Variants in DNAH14 observed in about 807,000 individuals in gnomAD.
DNAH14 encodes the protein axonemal beta dynein heavy chain 14.
In DNAH14, 478 loss-of-function variants were observed where a neutral mutation model predicts 520.9. The observed-to-expected ratio is 0.92, with a 90% CI of 0.85 to 0.99. The LOEUF (loss-of-function observed/expected upper bound fraction) is 0.99. Ranked by LOEUF, DNAH14 falls within the 50% of genes least tolerant of loss-of-function variation. The probability of loss-of-function intolerance (pLI) is 0.00; values close to 1 mark genes in which losing one functional copy is unlikely to be tolerated. For missense variants in DNAH14, 4,831 were observed against 5,234.5 expected, an observed-to-expected ratio of 0.92 and a Z score of 2.38; for synonymous variants, 1,581 against 1,757.2, an observed-to-expected ratio of 0.90 and a Z score of 2.51.
intron 17 of DNAH14, among the ~76,000 whole-genome samples, chr1:225,078,768 ATCTCTCTCTCTCTCTCTCTC>A (rs1170812870): frequency 4.5e-4 from 7 of 15,682 alleles, no homozygotes; most frequent in African/African-American, 1.7e-3. Flanking sequence ...CCCATTCTCA[ATCTCTCTCTCTCTCTCTCTC>A]TCTCTCTCTC....
At chr1:224,936,918 A>G (rs1459136837) in intron 1 of DNAH14, among the ~76,000 whole-genome samples, 1 of 152,038 alleles carries the variant, frequency 6.6e-6, no homozygotes, top group Admixed American at 6.6e-5. Flanking sequence ...TTCAACATAC[A>G]CAAATCAGTG....
chr1:224,954,900 G>A, intron 2 of DNAH14, 59 bp from the exon 3 acceptor site: 2 of 1,381,266 alleles, frequency 1.4e-6, no homozygotes, highest in Non-Finnish European at 2.0e-6. Context: ...TAATAGCTCA[G>A]TATTTTATTG....
rs1171760322 is a variant in DNAH14, at chr1:225,232,043, C to T, written c.6518+892C>T. On this transcript the variant is annotated intron_variant, in intron 42 of 85. Coordinates refer to ENST00000682510, the MANE Select transcript of DNAH14 (RefSeq NM_001367479.1). The surrounding 1 kb of genome is among the most constrained non-coding windows in gnomAD (Gnocchi z 4.2). ...CCTAGATCTCAGGGTATCCTATCAT[C>T]TGAGATAACTACTATTCTGGATTTT... Among the ~76,000 whole-genome samples the T allele has an allele frequency of 1.3e-5, 2 of 152,070 alleles. No homozygotes were observed. Among genetic ancestry groups the T allele is most frequent in the African/African-American group, 4.8e-5 (2 of 41,422 alleles).
intron 23 of DNAH14, 138 bp downstream of exon 23, chr1:225,101,022 C>T: frequency 1.6e-6 from 1 of 627,586 alleles, no homozygotes; most frequent in East Asian, 3.2e-5. Flanking sequence ...TAAACTCTCA[C>T]TACCTATAGA....
intron 36 of DNAH14, among the ~76,000 whole-genome samples, chr1:225,175,548 T>TTTG (rs968895940): frequency 2.0e-5 from 3 of 151,996 alleles, no homozygotes; most frequent in African/African-American, 7.2e-5. Context: ...TAGTGAAAGA[T>TTTG]TTGTTGATTT....
rs540288336 is a variant in DNAH14 at position 225,335,648 on chromosome 1, T to C, written c.10081-1618T>C. Among the ~76,000 whole-genome samples the C allele has an allele frequency of 3.0e-5, 4 of 131,618 alleles. 1 individual carries two copies. Among genetic ancestry groups the C allele is most frequent in the Non-Finnish European group, 3.2e-5 (2 of 62,496 alleles). 86.3% of individuals were successfully genotyped at this position (131,618 alleles called of 152,430 possible). A position where few individuals can be genotyped will look rare whatever the true frequency, so the allele number is the denominator to read the frequency against. On this transcript the variant is annotated intron_variant, in intron 66 of 85. Transcript: ENST00000682510. Reference sequence around the variant, plus strand: ...ATATATACATATGTGCATATATGTATATACGCATATATACATATGTGCATA... The same window carrying C: ...ATATATACATATGTGCATATATGTACATACGCATATATACATATGTGCATA...
chr1:225,105,606 C>T (rs934532811), intron 23 of DNAH14, among the ~76,000 whole-genome samples: 2 of 152,136 alleles, frequency 1.3e-5, no homozygotes, highest in African/African-American at 4.8e-5. Context: ...ATAGTTAGCT[C>T]TTCTTGTTGA....
chr1:225,086,663 A>G (rs2073841099), intron 21 of DNAH14, among the ~76,000 whole-genome samples: 1 of 152,156 alleles, frequency 6.6e-6, no homozygotes. Context: ...AACTCAATAA[A>G]TTACAGAAAA....
intron 43 of DNAH14, chr1:225,250,576 G>T: frequency 4.6e-6 from 2 of 438,878 alleles, no homozygotes; most frequent in Non-Finnish European, 8.4e-6. Context: ...ATGAAGAAAA[G>T]GGAACTGGAA....
chr1:225,153,926 C>A (rs1000145509), intron 34 of DNAH14, 100 bp downstream of exon 34: 4 of 817,444 alleles, frequency 4.9e-6, no homozygotes. Flanking sequence ...AAACAGGGAG[C>A]CCCGCAGACT....
At chr1:225,278,039 A>C (rs1163926616) in intron 54 of DNAH14, among the ~76,000 whole-genome samples, 1 of 150,650 alleles carries the variant, frequency 6.6e-6, no homozygotes, top group African/African-American at 2.5e-5. Context: ...TGTTTGGTTA[A>C]TTTGTGCACT....
At position 225,292,957 on chromosome 1, in the gene DNAH14, A is replaced by G. The variant is rs1417751300; in HGVS notation, c.8469+2875A>G. Among the ~76,000 whole-genome samples the G allele has an allele frequency of 2.0e-5, 3 of 152,232 alleles. No homozygotes were observed. In the East Asian group the frequency reaches 5.8e-4, roughly 29 times the overall value. ...TTTTTGTATCCTGCTACTTTGCTGC[A>G]TTCATTTTTCAGTTCTAAGAGATTT... On this transcript the variant is annotated intron_variant, in intron 55 of 85. Transcript: ENST00000682510.
chr1:225,165,303 A>G (rs1395193354), intron 35 of DNAH14, among the ~76,000 whole-genome samples: 1 of 151,994 alleles, frequency 6.6e-6, no homozygotes, highest in African/African-American at 2.4e-5. Context: ...TTTGCCTTTA[A>G]TGTTCATAAT....
Position 225,351,804 on chromosome 1 carries a change from A to G in DNAH14, c.11454A>G (p.Lys3818=). The G allele has an allele frequency of 6.4e-7, 1 of 1,551,382 alleles. No homozygotes were observed. The highest frequency in any genetic ancestry group is 2.4e-5 in the East Asian group (1 of 40,906). The change falls in exon 72 of 86, where the codon AAA becomes AAG. Residue 3818 remains lysine (K), a synonymous_variant. Coordinates refer to ENST00000682510, the MANE Select transcript of DNAH14 (RefSeq NM_001367479.1). The stretch of plus-strand genomic sequence containing the variant: ...AATGGGATACTTTTAAGAACAGTAA[A>G]GCAGTTTATTCTCTGATCAGCACAC... The part of the protein sequence containing the change: ...VSQWDTFKNS[K]AVYSLISTPF...
chr1:225,074,235 G>T (rs964198074), intron 17 of DNAH14, among the ~76,000 whole-genome samples: 1 of 152,024 alleles, frequency 6.6e-6, no homozygotes, highest in South Asian at 2.1e-4. Context: ...TCCTGACCTC[G>T]TGATCCGCCT....
At chr1:225,192,277 G>A (rs924000572) in intron 37 of DNAH14, among the ~76,000 whole-genome samples, 7 of 152,052 alleles carry the variant, frequency 4.6e-5, no homozygotes, top group South Asian at 2.1e-4. Flanking sequence ...TACATAAAAC[G>A]AGACCAGATA....
At chr1:225,140,037 C>G (rs2079292566) in intron 27 of DNAH14, among the ~76,000 whole-genome samples, 1 of 152,214 alleles carries the variant, frequency 6.6e-6, no homozygotes, top group African/African-American at 2.4e-5. Flanking sequence ...CTGGAAAAAT[C>G]TCACTCTGTC....
intron 73 of DNAH14, among the ~76,000 whole-genome samples, chr1:225,355,220 C>T (rs1057224149): frequency 2.6e-5 from 4 of 152,118 alleles, no homozygotes; most frequent in Non-Finnish European, 5.9e-5. Context: ...TGGGTGGCAT[C>T]GTCTTGCTGT....
intron 10 of DNAH14, among the ~76,000 whole-genome samples, chr1:225,008,540 G>A (rs961765126): frequency 1.4e-4 from 20 of 145,822 alleles, no homozygotes; most frequent in Admixed American, 7.5e-4. Flanking sequence ...GTGTAGAAGC[G>A]TTCCTATTTC....
Sources: allele counts gnomAD v4.1 joint callset (sites outside exome capture counted in the v4.1 genomes callset), GRCh38; gene constraint gnomAD v4.1.1; non-coding constraint Gnocchi (gnomAD v3.1); transcripts MANE v1.5; gene names NCBI Gene and HGNC (gene_info 2026-07-23, HGNC 2026-07-21).